Variants in NACAD observed in about 807,000 individuals in gnomAD.
The protein encoded by NACAD is NAC alpha domain containing, also known as NAC-alpha domain-containing protein 1.
NACAD carries 47 observed loss-of-function variants against 98.9 expected under a neutral mutation model. The observed-to-expected ratio is 0.48, with a 90% CI of 0.38 to 0.61. The LOEUF (loss-of-function observed/expected upper bound fraction) is 0.61, where lower values mean the gene tolerates loss of function less well. Among genes scored for constraint, NACAD ranks in the 20% least tolerant of loss-of-function variants. The pLI, the probability that NACAD is intolerant of heterozygous loss-of-function variation, is 0.00. For synonymous variants in NACAD, 696 were observed against 767.2 expected, an observed-to-expected ratio of 0.91 and a Z score of 1.53; for missense variants, 1,412 against 1,748.2, an observed-to-expected ratio of 0.81 and a Z score of 3.43.
Position 45,085,721 on chromosome 7 carries a change from G to A in NACAD, c.459C>T (p.Pro153=), listed in dbSNP as rs1021572335. 1.9e-5 allele frequency: 30 copies of A among 1,549,864 alleles called. No homozygotes were observed. Among genetic ancestry groups the A allele is most frequent in the Non-Finnish European group, 2.3e-5 (26 of 1,146,782 alleles). The change falls in exon 2 of 8, where the codon CCC becomes CCT. Residue 153 remains proline, a synonymous_variant. Transcript: ENST00000490531. This position sits in a 1 kb window ranked among gnomAD's most constrained non-coding sequence, Gnocchi z 6.1. ...EGGHASPDPP[P]ELCSQGDLSV... ...AAAGATCACCCTGAGAACACAGCTC[G>A]GGGGGTGGGTCTGGGCTTGCGTGCC...
Position 45,082,301 on chromosome 7 carries a change from A to C in NACAD, c.3879T>G (p.Thr1293=). 1 of 1,550,610 alleles carries C rather than the reference A, an allele frequency of 6.4e-7. No homozygotes were observed. The highest frequency in any genetic ancestry group is 1.2e-5 in the South Asian group (1 of 84,058). The stretch of plus-strand genomic sequence containing the variant: ...GAGGCGAGAGGCTGACTCGCGGCCC[A>C]GTCCCCAGAGGCTGTGTGGTTCCTG... ...AVSGTTQPLG[T]GPRVSLSPHS... is the part of the protein sequence containing the mutation. Residue 1293 remains threonine (T), a synonymous_variant, in exon 2 of 8, where the codon ACT becomes ACG. Coordinates refer to ENST00000490531, the MANE Select transcript of NACAD (RefSeq NM_001146334.2). The surrounding 1 kb of genome is among the most constrained non-coding windows in gnomAD (Gnocchi z 4.5).
chr7:45,086,016 G>A lies in NACAD; in HGVS notation c.164C>T (p.Thr55Met), dbSNP rs533728031. 4.7e-5 allele frequency: 72 copies of A among 1,535,960 alleles called. No homozygotes were observed. In the African/African-American group the frequency reaches 6.4e-4, roughly 14 times the overall value. Residue 55 changes from threonine (T) to methionine (M), a missense_variant, in exon 2 of 8, where the codon ACG becomes ATG. Thr to Met is a moderately conservative substitution (Grantham distance 81, BLOSUM62 -1). Coordinates refer to ENST00000490531, the MANE Select transcript of NACAD (RefSeq NM_001146334.2). ...GGCACCCGGCTTGCTGGGCAGGAAC[G>A]TGAGGGCCAGGTGGCTGGGCCCTGG... Reference protein sequence around the residue: ...LTPGPSHLALTFLPSKPGARP... With the variant: ...LTPGPSHLALMFLPSKPGARP...
rs536193771 is a variant in NACAD at position 45,081,485 on chromosome 7, C to G, written c.4257+116G>C. The G allele has an allele frequency of 1.6e-4, 227 of 1,377,518 alleles. 1 individual carries two copies. The African/African-American group carries it at 2.8e-3, about 17-fold the overall frequency. 85.3% of individuals were successfully genotyped at this position (1,377,518 alleles called of 1,614,324 possible). ...GGTGTGTGGGTTACTGGCATGGACC[C>G]AAAGGTCCCCTGATGGATGGGATTT... On this transcript the variant is annotated intron_variant, in intron 4 of 7. Coordinates refer to ENST00000490531, the MANE Select transcript of NACAD (RefSeq NM_001146334.2).
rs543933759 is a variant in NACAD, at chr7:45,086,009, C to T, written c.171G>A (p.Leu57=). Residue 57 remains leucine (L), a synonymous_variant, in exon 2 of 8, where the codon CTG becomes CTA. Transcript: ENST00000490531. The part of the protein sequence containing the change: ...PGPSHLALTF[L]PSKPGARPQP... Reference sequence around the variant, plus strand: ...GGGGCCGGGCACCCGGCTTGCTGGGCAGGAACGTGAGGGCCAGGTGGCTGG... The same window carrying T: ...GGGGCCGGGCACCCGGCTTGCTGGGTAGGAACGTGAGGGCCAGGTGGCTGG... The T allele has an allele frequency of 5.4e-5, 83 of 1,535,848 alleles. 2 individuals are homozygous for T. The South Asian group carries it at 9.3e-4, about 17-fold the overall frequency.
At chr7:45,081,504 G>A in intron 4 of NACAD, 97 bp downstream of exon 4, 1 of 1,447,656 alleles carries the variant, frequency 6.9e-7, no homozygotes, top group Non-Finnish European at 9.4e-7. Flanking sequence ...CCTGATGGAT[G>A]GGATTTCATT....
In NACAD at chr7:45,085,675, C is replaced by G; in HGVS notation, c.505G>C (p.Asp169His). ...GGAGGCGTGAAGAAGGAATCAGGGT[C>G]TGGGGGAGGGGAAGGCACAGAAAGA... ...GDLSVPSPPP[D>H]PDSFFTPPST... Residue 169 changes from aspartate (D) to histidine (H), a missense_variant, in exon 2 of 8, where the codon GAC becomes CAC. Physicochemically the swap from Asp to His is moderately conservative, Grantham distance 81 (BLOSUM62 -1). Transcript: ENST00000490531. This position sits in a 1 kb window ranked among gnomAD's most constrained non-coding sequence, Gnocchi z 6.1. 3 of 1,548,556 alleles carry G rather than the reference C, an allele frequency of 1.9e-6. No individual in the cohort carries two copies. The highest frequency in any genetic ancestry group is 2.4e-5 in the South Asian group (2 of 83,758).
In NACAD at chr7:45,080,443, G is replaced by A; in HGVS notation, c.*66C>T. On this transcript the variant is annotated 3_prime_UTR_variant, in exon 8 of 8. Coordinates refer to ENST00000490531, the MANE Select transcript of NACAD (RefSeq NM_001146334.2). ...AGGAGACACCAGAGGGCAATGAAGG[G>A]ACACCGATTTATTGAGTAGCAGAGC... 6.5e-7 allele frequency: 1 copy of A among 1,550,100 alleles called. No homozygotes were observed. Among genetic ancestry groups the A allele is most frequent in the South Asian group, 1.2e-5 (1 of 84,032 alleles).
In NACAD at chr7:45,088,874, G is replaced by A. The variant is rs1427564519; in HGVS notation, c.21C>T (p.Arg7=). The change falls in exon 1 of 8, where the codon CGC becomes CGT. Residue 7 remains arginine, a synonymous_variant. Coordinates refer to ENST00000490531, the MANE Select transcript of NACAD (RefSeq NM_001146334.2). This position sits in a 1 kb window ranked among gnomAD's most constrained non-coding sequence, Gnocchi z 5.7. ...CCGCCTCGGGCAGCAGCAGCTCGGC[G>A]CGGGCAGCCTCCCCAGGCATGGCCT... The part of the protein sequence containing the change: MPGEAA[R]AELLLPEADR... The A allele has an allele frequency of 5.4e-6, 8 of 1,485,362 alleles. No individual in the cohort carries two copies. Among genetic ancestry groups the A allele is most frequent in the Non-Finnish European group, 7.1e-6 (8 of 1,122,578 alleles). The allele number at this position is 1,485,362 out of a possible 1,614,324, so 92.0% of individuals were successfully genotyped here. A position where few individuals can be genotyped will look rare whatever the true frequency, so the allele number is the denominator to read the frequency against.
At position 45,084,738 on chromosome 7, in the gene NACAD, G is replaced by T. The variant is rs1374451374; in HGVS notation, c.1442C>A (p.Ala481Asp). 1 of 1,550,920 alleles carries T rather than the reference G, an allele frequency of 6.4e-7. No individual in the cohort carries two copies. Among genetic ancestry groups the T allele is most frequent in the Non-Finnish European group, 8.7e-7 (1 of 1,146,862 alleles). The change falls in exon 2 of 8, where the codon GCC (alanine) becomes GAC (aspartate). Residue 481 changes from alanine (A) to aspartate (D), a missense_variant. Transcript: ENST00000490531. Reference protein sequence around the residue: ...EGLALGQESTATVTPHTLQVA... With the variant: ...EGLALGQESTDTVTPHTLQVA... ...CTGCAGAGTGTGAGGGGTCACAGTG[G>T]CAGTGGACTCCTGGCCTAAAGCAAG...
In NACAD at chr7:45,085,434, G is replaced by A; in HGVS notation, c.746C>T (p.Ser249Leu). ...CCCCTGCGGGGACAGGCCCCAGCCT[G>A]AGGGGAAGTCCAGCCCTTCAGCCGG... The part of the protein sequence containing the change: ...LAPAEGLDFP[S>L]GWGLSPQGSM... Residue 249 changes from serine to leucine, a missense_variant, in exon 2 of 8, where the codon TCA becomes TTA. Transcript: ENST00000490531. This position sits in a 1 kb window ranked among gnomAD's most constrained non-coding sequence, Gnocchi z 6.1. The A allele has an allele frequency of 6.5e-7, 1 of 1,548,800 alleles. No homozygotes were observed. The highest frequency in any genetic ancestry group is 1.4e-5 in the African/African-American group (1 of 73,160).
At position 45,081,779 on chromosome 7, in the gene NACAD, A is replaced by C. The variant is rs1784433595; in HGVS notation, c.4161T>G (p.Pro1387=). The part of the protein sequence containing the change: ...AELDEQDILA[P]QTVQCPAQAP... ...CCTGGGCTGGACACTGCACGGTCTG[A>C]GGAGCCAAGATGTCCTGCTCGTCCA... is the stretch of plus-strand genomic sequence containing the variant. The change falls in exon 3 of 8, where the codon CCT becomes CCG. Residue 1387 remains proline (P), a synonymous_variant. Transcript: ENST00000490531. 6.4e-7 allele frequency: 1 copy of C among 1,551,032 alleles called. No homozygotes were observed. The highest frequency in any genetic ancestry group is 8.7e-7 in the Non-Finnish European group (1 of 1,146,978).
Position 45,085,606 on chromosome 7 carries a change from C to T in NACAD, c.574G>A (p.Gly192Arg). The change falls in exon 2 of 8, where the codon GGG (glycine) becomes AGG (arginine). Residue 192 changes from glycine (G) to arginine (R), a missense_variant. Physicochemically the swap from Gly to Arg is moderately radical, Grantham distance 125 (BLOSUM62 -2). This residue lies in a region of NACAD where 638 missense variants were observed against 722.7 expected (regional missense o/e 0.88). Transcript: ENST00000490531. This position sits in a 1 kb window ranked among gnomAD's most constrained non-coding sequence, Gnocchi z 6.1. ...GAGTCCCTGGCGTCCCCGTGGGGCCCACAGGCAGGAAGCAGGGCATAGGTG... is the reference window on the plus strand; with the variant it reads ...GAGTCCCTGGCGTCCCCGTGGGGCCTACAGGCAGGAAGCAGGGCATAGGTG... ...KTTYALLPAC[G>R]PHGDARDSEA... 1.3e-6 allele frequency: 2 copies of T among 1,549,604 alleles called. No homozygotes were observed. Among genetic ancestry groups the T allele is most frequent in the Non-Finnish European group, 1.7e-6 (2 of 1,146,506 alleles).
At chr7:45,086,779 C>T (rs1296752421) in intron 1 of NACAD, among the ~76,000 whole-genome samples, 4 of 152,214 alleles carry the variant, frequency 2.6e-5, no homozygotes, top group South Asian at 2.1e-4. Context: ...TGAAGTGTCC[C>T]GTGGAGGCTT....
At position 45,083,323 on chromosome 7, in the gene NACAD, C is replaced by T; in HGVS notation, c.2857G>A (p.Gly953Ser). Residue 953 changes from glycine (G) to serine (S), a missense_variant, in exon 2 of 8, where the codon GGC becomes AGC. Physicochemically the swap from Gly to Ser is moderately conservative, Grantham distance 56. Transcript: ENST00000490531. ...ATPQTLQAEAGCAPGTEPVAT... is the reference protein window; with the variant it reads ...ATPQTLQAEASCAPGTEPVAT... ...ACAGGCTCTGTCCCTGGGGCACAGC[C>T]TGCTTCTGCCTGCAAGGTTTGAGGG... The T allele has an allele frequency of 4.5e-6, 7 of 1,551,258 alleles. No individual in the cohort carries two copies. Among genetic ancestry groups the T allele is most frequent in the Non-Finnish European group, 6.1e-6 (7 of 1,147,018 alleles).
chr7:45,081,984 TG>T, intron 2 of NACAD, 117 bp from the exon 3 acceptor site: 1 of 1,437,634 alleles, frequency 7.0e-7, no homozygotes, highest in African/African-American at 1.4e-5. Flanking sequence ...CAGCTCTCCA[TG>T]GTGGCTGTGG....
Position 45,081,625 on chromosome 7 carries a change from ACT to A in NACAD, c.4231_4232del (p.Arg1412GlnfsTer2). 1.3e-6 allele frequency: 2 copies of A among 1,550,510 alleles called. No individual in the cohort carries two copies. Among genetic ancestry groups the A allele is most frequent in the Non-Finnish European group, 8.7e-7 (1 of 1,146,764 alleles). ...CCTTTCGGGCCTTCTTCTCACTGCG[ACT>A]CTGCTTGGCTTTGGCGATGGTCTCC... is the stretch of plus-strand genomic sequence containing the variant. ...SEETIAKAKQ[S>X]RSEKKARKAM... On this transcript the variant is annotated frameshift_variant, in exon 4 of 8. Coordinates refer to ENST00000490531, the MANE Select transcript of NACAD (RefSeq NM_001146334.2). LOFTEE classifies it high-confidence loss of function.
At chr7:45,080,796 T>G in intron 6 of NACAD, 34 bp from the exon 7 acceptor site, 1 of 1,550,028 alleles carries the variant, frequency 6.5e-7, no homozygotes, top group Middle Eastern at 1.7e-4. Flanking sequence ...TGGCTGGAGC[T>G]GCTTGAGGTC....
At chr7:45,087,908 A>G (rs1784546498) in intron 1 of NACAD, among the ~76,000 whole-genome samples, 1 of 152,150 alleles carries the variant, frequency 6.6e-6, no homozygotes. Flanking sequence ...CCAAAGGCCA[A>G]AGGTTTTTAT....
rs554726147 is a variant in NACAD at position 45,081,283 on chromosome 7, G to C, written c.4258-20C>G. On this transcript the variant is annotated intron_variant, in intron 4 of 7. Transcript: ENST00000490531. Reference sequence around the variant, plus strand: ...CATTGCCTGGGAGTAGAGGGCAGAGGGGGGCTCAGACCTGGTGTTGACCCA... The same window carrying C: ...CATTGCCTGGGAGTAGAGGGCAGAGCGGGGCTCAGACCTGGTGTTGACCCA... 4.5e-6 allele frequency: 7 copies of C among 1,549,972 alleles called. No homozygotes were observed. The highest frequency in any genetic ancestry group is 3.6e-5 in the South Asian group (3 of 83,926).
Sources: gnomAD v4.1 joint callset for allele counts (sites outside exome capture counted in the v4.1 genomes callset) on GRCh38, gnomAD v4.1.1 for gene constraint, gnomAD v4.1.1 regional missense constraint, Gnocchi (gnomAD v3.1) non-coding constraint, MANE v1.5 for transcripts, NCBI Gene and HGNC (gene_info 2026-07-23, HGNC 2026-07-21) for gene names.